SPACA9: variants seen among roughly 807,000 people sequenced by gnomAD.
SPACA9 encodes the protein sperm acrosome associated 9, also known as sperm acrosome-associated protein 9.
SPACA9 carries 14 observed loss-of-function variants against 12.5 expected under a neutral mutation model. The ratio of observed to expected loss-of-function variants is 1.12; its 90% CI spans 0.74 to 1.75. SPACA9 has a LOEUF of 1.75. Ranked by LOEUF, SPACA9 falls within the 40% of genes most tolerant of loss-of-function variation. The pLI is 0.00. For missense variants in SPACA9, 292 were observed against 291.9 expected, an observed-to-expected ratio of 1.00 and a Z score of 0.00; for synonymous variants, 111 against 114.1, an observed-to-expected ratio of 0.97 and a Z score of 0.17.
chr9:132,884,798 C>T (rs940286789), intron 2 of SPACA9, among the ~76,000 whole-genome samples: 2 of 152,212 alleles, frequency 1.3e-5, no homozygotes, highest in East Asian at 3.8e-4. Context: ...AACAAGCAAC[C>T]CTTGCTGGCA....
In SPACA9 at chr9:132,883,786, G is replaced by T. The variant is rs554529122; in HGVS notation, c.-37-125G>T. 2.4e-5 allele frequency: 17 copies of T among 694,206 alleles called. No homozygotes were observed. The South Asian group carries it at 2.6e-4, about 11-fold the overall frequency. The allele number at this position is 694,206 out of a possible 1,614,324, so 43.0% of individuals were successfully genotyped here. ...GGGCCTCGCTTTCTTCTGTGGGGAG[G>T]CACTCACAAGGCGCTCCAGTGAGAG... is the stretch of plus-strand genomic sequence containing the variant. On this transcript the variant is annotated intron_variant, in intron 1 of 3. Coordinates refer to ENST00000356311, the MANE Select transcript of SPACA9 (RefSeq NM_001316897.2).
Position 132,887,962 on chromosome 9 carries a change from G to A in SPACA9, c.348-328G>A, listed in dbSNP as rs1328103138. Among the ~76,000 whole-genome samples the A allele has an allele frequency of 1.3e-5, 2 of 152,154 alleles. No individual in the cohort carries two copies. Among genetic ancestry groups the A allele is most frequent in the Non-Finnish European group, 2.9e-5 (2 of 68,028 alleles). ...ACAGCCCGGGAGCCTGCAGCACAGT[G>A]GGCCAGAGCCTGGGGAAGCTCTGTA... On this transcript the variant is annotated intron_variant, in intron 3 of 3. Coordinates refer to ENST00000356311, the MANE Select transcript of SPACA9 (RefSeq NM_001316897.2). The surrounding 1 kb of genome is among the most constrained non-coding windows in gnomAD (Gnocchi z 5.4).
upstream of SPACA9, chr9:132,878,661 A>G (rs956045674): frequency 1.8e-5 from 18 of 1,004,316 alleles, no homozygotes; most frequent in African/African-American, 1.7e-5. This position sits in a 1 kb window ranked among gnomAD's most constrained non-coding sequence, Gnocchi z 4.7. Flanking sequence ...TCTTTAAAAC[A>G]GACGCGGGAA....
In SPACA9 at chr9:132,888,775, C is replaced by CT. The variant is rs146375638; in HGVS notation, c.*174dup. On this transcript the variant is annotated 3_prime_UTR_variant, in exon 4 of 4. Transcript: ENST00000356311. The surrounding 1 kb of genome is among the most constrained non-coding windows in gnomAD (Gnocchi z 5.0). ...CCTCTCTCTCTTCTTGCTTTAACTTCTTTTTTTTTTGAGACGGAGTCTCGC... is the reference window on the plus strand; with the variant it reads ...CCTCTCTCTCTTCTTGCTTTAACTTCTTTTTTTTTTTGAGACGGAGTCTCGC... 0.21 allele frequency: 256,743 copies of CT among 1,239,688 alleles called. 11,339 individuals are homozygous for CT. The highest frequency in any genetic ancestry group is 0.39 in the East Asian group (12,706 of 32,692). 76.8% of individuals were successfully genotyped at this position (1,239,688 alleles called of 1,614,324 possible). A position where few individuals can be genotyped will look rare whatever the true frequency, so the allele number is the denominator to read the frequency against.
rs1844585259 is a variant in SPACA9 at position 132,887,055 on chromosome 9, C to T, written c.145-314C>T. Among the ~76,000 whole-genome samples the T allele has an allele frequency of 6.6e-6, 1 of 151,902 alleles. No homozygotes were observed. Among genetic ancestry groups the T allele is most frequent in the Non-Finnish European group, 1.5e-5 (1 of 67,974 alleles). Reference sequence around the variant, plus strand: ...TCGAACTCCTGACCTCAAGTGATCCCCGCCCACCTCAGCCTCCCAAAGTGC... The same window carrying T: ...TCGAACTCCTGACCTCAAGTGATCCTCGCCCACCTCAGCCTCCCAAAGTGC... On this transcript the variant is annotated intron_variant, in intron 2 of 3. Coordinates refer to ENST00000356311, the MANE Select transcript of SPACA9 (RefSeq NM_001316897.2). This position sits in a 1 kb window ranked among gnomAD's most constrained non-coding sequence, Gnocchi z 5.4.
intron 1 of SPACA9, among the ~76,000 whole-genome samples, chr9:132,882,670 G>A (rs958450067): frequency 3.9e-5 from 6 of 151,996 alleles, no homozygotes; most frequent in African/African-American, 1.4e-4. Context: ...CTTGGAATGT[G>A]CCTTCCCTGC....
chr9:132,880,520 A>G (rs1844380174), intron 1 of SPACA9, among the ~76,000 whole-genome samples: 1 of 152,068 alleles, frequency 6.6e-6, no homozygotes, highest in African/African-American at 2.4e-5. Context: ...TTCTCCCTGG[A>G]ACTCCACCTA....
At chr9:132,879,568 G>A (rs1844325765) in intron 1 of SPACA9, among the ~76,000 whole-genome samples, 1 of 152,236 alleles carries the variant, frequency 6.6e-6, no homozygotes, top group South Asian at 2.1e-4. Flanking sequence ...ATTAGTAGTA[G>A]TATCTCATTT....
rs1196704213 is a variant in SPACA9 at position 132,888,371 on chromosome 9, C to T, written c.429C>T (p.Leu143=). ...GCGGCGTGGTCAGCCTCATCCCCCT[C>T]ATCCTAGACTTAATGAAAGAATGGA... The part of the protein sequence containing the change: ...HYGGVVSLIP[L]ILDLMKEWIA... The change falls in exon 4 of 4, where the codon CTC becomes CTT. Residue 143 remains leucine, a synonymous_variant. Transcript: ENST00000356311. This position sits in a 1 kb window ranked among gnomAD's most constrained non-coding sequence, Gnocchi z 5.0. 1 of 1,614,136 alleles carries T rather than the reference C, an allele frequency of 6.2e-7. No homozygotes were observed. The highest frequency in any genetic ancestry group is 8.5e-7 in the Non-Finnish European group (1 of 1,180,038).
intron 1 of SPACA9, among the ~76,000 whole-genome samples, chr9:132,882,279 T>G (rs1022928886): frequency 1.3e-5 from 2 of 152,200 alleles, no homozygotes; most frequent in African/African-American, 4.8e-5. Flanking sequence ...GCTCCAGGGA[T>G]AGAGGCTCCA....
In SPACA9 at chr9:132,884,082, C is replaced by T. The variant is rs1197502921; in HGVS notation, c.135C>T (p.Ser45=). 1.2e-6 allele frequency: 2 copies of T among 1,613,538 alleles called. No homozygotes were observed. Among genetic ancestry groups the T allele is most frequent in the South Asian group, 2.2e-5 (2 of 91,072 alleles). ...ACGACAAGATCCGGCCCATCTCCAG[C>T]ATTGGACAGGTGGGGCTCCCGACCC... is the stretch of plus-strand genomic sequence containing the variant. The part of the protein sequence containing the change: ...NAHDKIRPIS[S]IGQVQSYMEH... The change falls in exon 2 of 4, where the codon AGC becomes AGT. Residue 45 remains serine (S), a synonymous_variant. Coordinates refer to ENST00000356311, the MANE Select transcript of SPACA9 (RefSeq NM_001316897.2).
intron 1 of SPACA9, among the ~76,000 whole-genome samples, chr9:132,879,764 G>C (rs189335520): frequency 1.3e-5 from 2 of 152,328 alleles, no homozygotes; most frequent in East Asian, 3.9e-4. Context: ...TCTTGAAGAA[G>C]AGGCTAATCC....
rs904338096 is a variant in SPACA9 at position 132,888,580 on chromosome 9, C to T, written c.638C>T (p.Pro213Leu). 4 of 1,546,058 alleles carry T rather than the reference C, an allele frequency of 2.6e-6. No individual in the cohort carries two copies. The Admixed American group carries it at 6.0e-5, about 23-fold the overall frequency. Residue 213 changes from proline to leucine, a missense_variant, in exon 4 of 4, where the codon CCA (proline) becomes CTA (leucine). Pro to Leu is a moderately conservative substitution (Grantham distance 98). Coordinates refer to ENST00000356311, the MANE Select transcript of SPACA9 (RefSeq NM_001316897.2). The surrounding 1 kb of genome is among the most constrained non-coding windows in gnomAD (Gnocchi z 5.0). ...CTCAAACCCAGGGGATGTTCAAAAC[C>T]ACCCTGGAGGCCTCCTGGTGGGAAA... ...ASLKPRGCSKPPWRPPGGKL is the reference protein window; with the variant it reads ...ASLKPRGCSKLPWRPPGGKL
intron 1 of SPACA9, 84 bp from the exon 2 acceptor site, chr9:132,883,827 C>A: frequency 1.8e-6 from 2 of 1,104,474 alleles, no homozygotes; most frequent in Non-Finnish European, 2.7e-6. Flanking sequence ...ATGGGTATCC[C>A]TCTCCCCTGA....
intron 1 of SPACA9, among the ~76,000 whole-genome samples, chr9:132,882,656 G>A (rs116240738): frequency 0.023 from 3,494 of 152,100 alleles, 135 homozygotes; most frequent in African/African-American, 0.08. Flanking sequence ...GACCTGCTTG[G>A]AAGCTTGGAA....
In SPACA9 at chr9:132,889,674, C is replaced by G; in HGVS notation, c.*1063C>G. 1 of 1,029,064 alleles carries G rather than the reference C, an allele frequency of 9.7e-7. No individual in the cohort carries two copies. 63.7% of individuals were successfully genotyped at this position (1,029,064 alleles called of 1,614,324 possible). The stretch of plus-strand genomic sequence containing the variant: ...AACTGGTCCACCCGCCTCGGCCTCC[C>G]AAAGTGCTGGGATTACAGGTGTGAG... On this transcript the variant is annotated 3_prime_UTR_variant, in exon 4 of 4. Coordinates refer to ENST00000356311, the MANE Select transcript of SPACA9 (RefSeq NM_001316897.2).
At chr9:132,885,721 T>G (rs1844547248) in intron 2 of SPACA9, among the ~76,000 whole-genome samples, 1 of 152,168 alleles carries the variant, frequency 6.6e-6, no homozygotes, top group African/African-American at 2.4e-5. Context: ...TCCTTTTTAG[T>G]CCATCCTCCA....
At chr9:132,885,162 A>G (rs891817379) in intron 2 of SPACA9, among the ~76,000 whole-genome samples, 1 of 151,974 alleles carries the variant, frequency 6.6e-6, no homozygotes, top group Non-Finnish European at 1.5e-5. Flanking sequence ...ATGAAAAAAA[A>G]CACTTTTTTT....
In SPACA9 at chr9:132,888,802, C is replaced by G; in HGVS notation, c.*191C>G. Reference sequence around the variant, plus strand: ...TTTTTTTTTGAGACGGAGTCTCGCTCTGTCGCCCAGGCTGGAGTGCGGTGG... The same window carrying G: ...TTTTTTTTTGAGACGGAGTCTCGCTGTGTCGCCCAGGCTGGAGTGCGGTGG... On this transcript the variant is annotated 3_prime_UTR_variant, in exon 4 of 4. Transcript: ENST00000356311. This position sits in a 1 kb window ranked among gnomAD's most constrained non-coding sequence, Gnocchi z 5.0. 4 of 1,330,292 alleles carry G rather than the reference C, an allele frequency of 3.0e-6. No homozygotes were observed. Among genetic ancestry groups the G allele is most frequent in the Non-Finnish European group, 1.9e-6 (2 of 1,027,144 alleles). 82.4% of individuals were successfully genotyped at this position (1,330,292 alleles called of 1,614,324 possible).
Sources: allele counts gnomAD v4.1 joint callset (sites outside exome capture counted in the v4.1 genomes callset), GRCh38; gene constraint gnomAD v4.1.1; non-coding constraint Gnocchi (gnomAD v3.1); transcripts MANE v1.5; gene names NCBI Gene and HGNC (gene_info 2026-07-23, HGNC 2026-07-21).